Variants in ZNF652 observed in about 807,000 individuals in gnomAD.
ZNF652 encodes the protein zinc finger protein 652.
A neutral mutation model predicts 45.2 loss-of-function variants in ZNF652; 16 were observed. The observed-to-expected ratio is 0.35, with a 90% CI of 0.24 to 0.54. The LOEUF (loss-of-function observed/expected upper bound fraction) is 0.54, where lower values mean the gene tolerates loss of function less well. Among genes scored for constraint, ZNF652 ranks in the 20% least tolerant of loss-of-function variants. The pLI is 0.91. For synonymous variants in ZNF652, 250 were observed against 260.6 expected, an observed-to-expected ratio of 0.96 and a Z score of 0.39; for missense variants, 614 against 765.6, an observed-to-expected ratio of 0.80 and a Z score of 2.34.
At chr17:49,336,870 T>C (rs973136539) in intron 1 of ZNF652, among the ~76,000 whole-genome samples, 4 of 149,860 alleles carry the variant, frequency 2.7e-5, no homozygotes, top group Non-Finnish European at 5.9e-5. Context: ...ACAGCCCACC[T>C]CAGCCTCCCA....
intron 5 of ZNF652, among the ~76,000 whole-genome samples, chr17:49,310,430 T>A (rs142191144): frequency 6.6e-6 from 1 of 152,252 alleles, no homozygotes; most frequent in Non-Finnish European, 1.5e-5. Context: ...GGGGGAGCTA[T>A]TATTTTAGCC....
intron 1 of ZNF652, among the ~76,000 whole-genome samples, chr17:49,339,310 CTTTTTTTTTT>C (rs36110074): frequency 9.0e-6 from 1 of 110,976 alleles, no homozygotes; most frequent in Admixed American, 9.8e-5. Flanking sequence ...TCAAGTGATT[CTTTTTTTTTT>C]TTTTTTTTTT....
chr17:49,353,519 C>A (rs557212706), intron 1 of ZNF652, among the ~76,000 whole-genome samples: 6 of 151,884 alleles, frequency 4.0e-5, no homozygotes, highest in African/African-American at 1.2e-4. Context: ...CTCTGTCACC[C>A]GGGCTAGAGT....
At chr17:49,299,415 C>T (rs1173735753) in intron 5 of ZNF652, among the ~76,000 whole-genome samples, 2 of 152,044 alleles carry the variant, frequency 1.3e-5, no homozygotes, top group African/African-American at 4.8e-5. Context: ...AGTTTTGCTC[C>T]TGTCACGCAG....
chr17:49,341,216 AAAAAG>A (rs1402687743), intron 1 of ZNF652, among the ~76,000 whole-genome samples: 2 of 152,056 alleles, frequency 1.3e-5, no homozygotes, highest in Non-Finnish European at 2.9e-5. Flanking sequence ...AGACTGTCTC[AAAAAG>A]AAAAGAAAAG....
intron 1 of ZNF652, among the ~76,000 whole-genome samples, chr17:49,334,686 G>A (rs2143859986): frequency 6.6e-6 from 1 of 152,068 alleles, no homozygotes; most frequent in East Asian, 1.9e-4. Context: ...GGCTGAAGCA[G>A]GAGAATTGCT....
intron 1 of ZNF652, among the ~76,000 whole-genome samples, chr17:49,343,754 A>G (rs548545795): frequency 1.3e-5 from 2 of 152,026 alleles, no homozygotes; most frequent in African/African-American, 4.8e-5. Flanking sequence ...CTGGGTACAC[A>G]TAACTAAGTT....
intron 1 of ZNF652, among the ~76,000 whole-genome samples, chr17:49,322,691 C>T (rs1353286644): frequency 6.6e-6 from 1 of 152,134 alleles, no homozygotes; most frequent in African/African-American, 2.4e-5. Flanking sequence ...CAAGACCATC[C>T]TGGCTAACAT....
chr17:49,300,745 C>T (rs1369789075), intron 5 of ZNF652, among the ~76,000 whole-genome samples: 6 of 152,162 alleles, frequency 3.9e-5, no homozygotes, highest in Admixed American at 6.5e-5. Flanking sequence ...CTTCTCTCAA[C>T]GAATGTGTTT....
At chr17:49,336,607 G>A (rs1470734995) in intron 1 of ZNF652, among the ~76,000 whole-genome samples, 2 of 151,518 alleles carry the variant, frequency 1.3e-5, no homozygotes, top group Non-Finnish European at 2.9e-5. Context: ...GGGATTACGT[G>A]AGCCACGGTG....
intron 1 of ZNF652, among the ~76,000 whole-genome samples, chr17:49,351,014 TACACACAC>T (rs370792940): frequency 1.2e-3 from 36 of 29,684 alleles, no homozygotes; most frequent in East Asian, 2.4e-3. Context: ...TATATATATA[TACACACAC>T]ACACACACAC....
In ZNF652 at chr17:49,297,213, T is replaced by A. The variant is rs2069487986; in HGVS notation, c.*1200A>T. The A allele has an allele frequency of 6.6e-6, 1 of 152,446 alleles. No individual in the cohort carries two copies. Among genetic ancestry groups the A allele is most frequent in the African/African-American group, 2.4e-5 (1 of 41,458 alleles). 9.4% of individuals were successfully genotyped at this position (152,446 alleles called of 1,614,324 possible). A position where few individuals can be genotyped will look rare whatever the true frequency, so the allele number is the denominator to read the frequency against. On this transcript the variant is annotated 3_prime_UTR_variant, in exon 6 of 6. Transcript: ENST00000430262. ...CATGTTTGTGATTTTAAGTTTACTATTTTAGCTTCTTATAACAATTCTAGA... is the reference window on the plus strand; with the variant it reads ...CATGTTTGTGATTTTAAGTTTACTAATTTAGCTTCTTATAACAATTCTAGA...
chr17:49,333,178 C>T (rs2143855026), intron 1 of ZNF652, among the ~76,000 whole-genome samples: 1 of 151,620 alleles, frequency 6.6e-6, no homozygotes, highest in Non-Finnish European at 1.5e-5. Context: ...CTGCCTCAGC[C>T]TCCCGAGTAG....
chr17:49,320,012 T>C (rs1023200358), intron 1 of ZNF652, among the ~76,000 whole-genome samples: 44 of 152,326 alleles, frequency 2.9e-4, no homozygotes, highest in African/African-American at 1.0e-3. Context: ...TTTAATTCTA[T>C]ATTTCTACAT....
Position 49,298,295 on chromosome 17 carries a change from G to A in ZNF652, c.*118C>T, listed in dbSNP as rs937899449. The A allele has an allele frequency of 1.6e-5, 21 of 1,300,840 alleles. No homozygotes were observed. The highest frequency in any genetic ancestry group is 2.8e-4 in the Middle Eastern group (1 of 3,626). 80.6% of individuals were successfully genotyped at this position (1,300,840 alleles called of 1,614,324 possible). ...GATCTGTTGATTCAGTGACACTGGC[G>A]AAGCTCTTGGTAGAGGCGGAGGAGA... On this transcript the variant is annotated 3_prime_UTR_variant, in exon 6 of 6. Transcript: ENST00000430262.
chr17:49,304,875 T>G (rs1269545197), intron 5 of ZNF652, among the ~76,000 whole-genome samples: 1 of 100,802 alleles, frequency 9.9e-6, no homozygotes, highest in Non-Finnish European at 2.1e-5. Context: ...TGTATATATA[T>G]GTGTATATAT....
chr17:49,344,764 G>A (rs1374012698), intron 1 of ZNF652, among the ~76,000 whole-genome samples: 4 of 151,932 alleles, frequency 2.6e-5, no homozygotes, highest in Non-Finnish European at 4.4e-5. Flanking sequence ...CAGGCAATCC[G>A]CCTGCCTCAG....
intron 1 of ZNF652, among the ~76,000 whole-genome samples, chr17:49,350,968 TAC>T (rs1282860146): frequency 4.4e-4 from 17 of 38,794 alleles, no homozygotes; most frequent in South Asian, 2.4e-3. Context: ...AGACTCTGTC[TAC>T]ATATATATAT....
At chr17:49,308,773 G>A (rs2069667040) in intron 5 of ZNF652, among the ~76,000 whole-genome samples, 1 of 151,036 alleles carries the variant, frequency 6.6e-6, no homozygotes, top group South Asian at 2.1e-4. Flanking sequence ...CTGCACTCCA[G>A]CCTGGGTGAC....
Sources: gnomAD v4.1 joint callset for allele counts (sites outside exome capture counted in the v4.1 genomes callset) on GRCh38, gnomAD v4.1.1 for gene constraint, MANE v1.5 for transcripts, NCBI Gene and HGNC (gene_info 2026-07-23, HGNC 2026-07-21) for gene names.